Variants in FOXP1 observed in about 807,000 individuals in gnomAD.
The protein encoded by FOXP1 is forkhead box protein P1.
FOXP1 carries 15 observed loss-of-function variants against 98.2 expected under a neutral mutation model. The ratio of observed to expected loss-of-function variants is 0.15; its 90% CI spans 0.10 to 0.24. The LOEUF (loss-of-function observed/expected upper bound fraction) is 0.24, where lower values mean the gene tolerates loss of function less well. Ranked by LOEUF, FOXP1 falls within the 10% of genes least tolerant of loss-of-function variation. The pLI, the probability that FOXP1 is intolerant of heterozygous loss-of-function variation, is 1.00. For missense variants in FOXP1, 633 were observed against 848.5 expected, an observed-to-expected ratio of 0.75 and a Z score of 3.15; for synonymous variants, 371 against 314.5, an observed-to-expected ratio of 1.18 and a Z score of -1.90.
intron 2 of FOXP1, among the ~76,000 whole-genome samples, chr3:71,501,453 C>A (rs2041351283): frequency 6.6e-6 from 1 of 151,966 alleles, no homozygotes; most frequent in Non-Finnish European, 1.5e-5. Flanking sequence ...CACCACCACA[C>A]CCACCTAATT....
chr3:71,108,031 C>T (rs923822075), intron 7 of FOXP1, among the ~76,000 whole-genome samples: 1 of 152,110 alleles, frequency 6.6e-6, no homozygotes, highest in Non-Finnish European at 1.5e-5. Flanking sequence ...GGGGCTCACA[C>T]ATGACATCAC....
At chr3:70,972,422 T>C (rs2107191915) in intron 18 of FOXP1, 133 bp downstream of exon 18, 1 of 1,345,326 alleles carries the variant, frequency 7.4e-7, no homozygotes, top group Non-Finnish European at 1.1e-6. Flanking sequence ...ATGAAATGCT[T>C]TTTTGCTTCC....
rs927809457 is a variant in FOXP1, at chr3:71,582,444, C to T, written c.-446-747G>A. On this transcript the variant is annotated intron_variant, in intron 1 of 20. Transcript: ENST00000649528. The stretch of plus-strand genomic sequence containing the variant: ...CGGCTCGCTGGCTCCAGGGAGTCGT[C>T]TCGGCGGGACAGGAATAGAGCGCAG... 574 of 985,226 alleles carry T rather than the reference C, an allele frequency of 5.8e-4. 1 individual carries two copies. Among genetic ancestry groups the T allele is most frequent in the Non-Finnish European group, 6.5e-4 (539 of 829,924 alleles). The allele number at this position is 985,226 out of a possible 1,614,324, so 61.0% of individuals were successfully genotyped here.
intron 3 of FOXP1, among the ~76,000 whole-genome samples, chr3:71,419,515 C>T (rs1441869175): frequency 6.6e-6 from 1 of 151,898 alleles, no homozygotes; most frequent in Admixed American, 6.6e-5. Context: ...CAAGGCCATA[C>T]CTAACACCTG....
chr3:71,299,657 C>T (rs531820477), intron 5 of FOXP1, among the ~76,000 whole-genome samples, 163 bp downstream of exon 5: 9 of 152,260 alleles, frequency 5.9e-5, no homozygotes, highest in African/African-American at 2.2e-4. Flanking sequence ...TTAAGGGCAA[C>T]CATTTTTCTT....
rs1026109892 is a variant in FOXP1 at position 71,380,823 on chromosome 3, G to GT, written c.-167-21580dup. Among the ~76,000 whole-genome samples, 20 of 150,560 alleles carry GT rather than the reference G, an allele frequency of 1.3e-4. No homozygotes were observed. The East Asian group carries it at 1.6e-3, about 12-fold the overall frequency. On this transcript the variant is annotated intron_variant, in intron 3 of 20. Transcript: ENST00000649528. Reference sequence around the variant, plus strand: ...AACAATTTTCCCCCAAGACAGAATGGTTTTTTGCTGGTTCTGCTAACAACA... The same window carrying GT: ...AACAATTTTCCCCCAAGACAGAATGGTTTTTTTGCTGGTTCTGCTAACAACA...
intron 5 of FOXP1, among the ~76,000 whole-genome samples, chr3:71,290,300 G>A (rs1290471166): frequency 3.9e-5 from 6 of 152,134 alleles, no homozygotes; most frequent in Non-Finnish European, 8.8e-5. Flanking sequence ...GAATCCTATT[G>A]ATTATATCCC....
At chr3:71,015,186 C>T (rs1428093866) in intron 12 of FOXP1, among the ~76,000 whole-genome samples, 1 of 150,532 alleles carries the variant, frequency 6.6e-6, no homozygotes, top group African/African-American at 2.4e-5. Context: ...ACAACAACAA[C>T]AAAATTATAG....
At chr3:71,553,235 G>T (rs2045900524) in intron 2 of FOXP1, among the ~76,000 whole-genome samples, 1 of 151,932 alleles carries the variant, frequency 6.6e-6, no homozygotes, top group African/African-American at 2.4e-5. Flanking sequence ...TATTTTATAG[G>T]TCATCATTTA....
chr3:71,561,953 T>A (rs550830286), intron 2 of FOXP1, among the ~76,000 whole-genome samples: 71 of 152,326 alleles, frequency 4.7e-4, no homozygotes, highest in South Asian at 1.4e-3. Context: ...CATCTTCTAC[T>A]TGCAAAGCCA....
chr3:71,341,566 C>T (rs996519563), intron 4 of FOXP1, among the ~76,000 whole-genome samples: 7 of 151,880 alleles, frequency 4.6e-5, no homozygotes, highest in Non-Finnish European at 8.8e-5. Flanking sequence ...GTCAGGAGTT[C>T]GACCAGCCTG....
chr3:71,418,863 T>C (rs952899133), intron 3 of FOXP1, among the ~76,000 whole-genome samples: 2 of 146,434 alleles, frequency 1.4e-5, no homozygotes, highest in Admixed American at 6.9e-5. Flanking sequence ...CTTATACTTA[T>C]AATACCAGAT....
At chr3:71,145,458 G>A (rs1391305147) in intron 6 of FOXP1, among the ~76,000 whole-genome samples, 4 of 152,080 alleles carry the variant, frequency 2.6e-5, no homozygotes, top group Admixed American at 1.3e-4. Flanking sequence ...CAGAAGAATC[G>A]CTTGAACCGG....
intron 2 of FOXP1, among the ~76,000 whole-genome samples, chr3:71,547,396 A>G (rs563309076): frequency 2.6e-5 from 4 of 152,326 alleles, no homozygotes; most frequent in South Asian, 4.1e-4. Flanking sequence ...GTAAACAACC[A>G]TATCAGGCCT....
intron 6 of FOXP1, among the ~76,000 whole-genome samples, chr3:71,174,826 A>ACACACCCC (rs1050762895): frequency 2.0e-5 from 3 of 147,328 alleles, no homozygotes; most frequent in Middle Eastern, 3.5e-3. Flanking sequence ...ACACACACAC[A>ACACACCCC]CCCCAATATA....
intron 7 of FOXP1, among the ~76,000 whole-genome samples, chr3:71,070,402 T>C (rs1006325294): frequency 6.6e-6 from 1 of 152,152 alleles, no homozygotes; most frequent in Non-Finnish European, 1.5e-5. Flanking sequence ...AACACCTTCT[T>C]AGCAGTAATG....
chr3:71,566,680 T>C (rs188828009), intron 2 of FOXP1, among the ~76,000 whole-genome samples: 1 of 152,202 alleles, frequency 6.6e-6, no homozygotes, highest in African/African-American at 2.4e-5. Context: ...TTCCTTATTA[T>C]GTACCAGACC....
chr3:71,565,944 A>G (rs565976649), intron 2 of FOXP1, among the ~76,000 whole-genome samples: 5 of 152,348 alleles, frequency 3.3e-5, no homozygotes, highest in African/African-American at 1.2e-4. Context: ...CAAATGAGAT[A>G]TAAATAAATC....
chr3:71,382,901 G>T (rs1346590553), intron 3 of FOXP1, among the ~76,000 whole-genome samples: 10 of 152,152 alleles, frequency 6.6e-5, no homozygotes, highest in Admixed American at 6.5e-5. Context: ...CATCTCCTGG[G>T]GTTTGGGGAT....
Sources: allele counts gnomAD v4.1 joint callset (sites outside exome capture counted in the v4.1 genomes callset), GRCh38; gene constraint gnomAD v4.1.1; transcripts MANE v1.5; gene names NCBI Gene and HGNC (gene_info 2026-07-23, HGNC 2026-07-21).